STK32C: variants seen among roughly 807,000 people sequenced by gnomAD.
STK32C encodes the protein serine/threonine kinase 32C.
A neutral mutation model predicts 56.5 loss-of-function variants in STK32C; 31 were observed. That is an observed-to-expected ratio of 0.55 (90% confidence interval 0.41 to 0.74). STK32C has a LOEUF of 0.74. STK32C is among the 30% of genes least tolerant of loss of function. The pLI is 0.00. For synonymous variants in STK32C, 309 were observed against 289.4 expected, an observed-to-expected ratio of 1.07 and a Z score of -0.69; for missense variants, 544 against 676.9, an observed-to-expected ratio of 0.80 and a Z score of 2.18.
At chr10:132,275,959 G>T (rs1426873481) in intron 1 of STK32C, among the ~76,000 whole-genome samples, 3 of 152,098 alleles carry the variant, frequency 2.0e-5, no homozygotes, top group Non-Finnish European at 4.4e-5. Flanking sequence ...GCAAGTGGTG[G>T]CTGCCTTCCA....
intron 1 of STK32C, among the ~76,000 whole-genome samples, chr10:132,292,053 TC>T (rs1307357812): frequency 1.3e-5 from 2 of 151,968 alleles, no homozygotes; most frequent in Non-Finnish European, 2.9e-5. Flanking sequence ...GGCCCAAGGC[TC>T]CTACAGGGAC....
At chr10:132,241,373 G>A (rs570504077) in intron 2 of STK32C, among the ~76,000 whole-genome samples, 6 of 152,340 alleles carry the variant, frequency 3.9e-5, no homozygotes, top group African/African-American at 7.2e-5. Flanking sequence ...AGAAAATAAA[G>A]TCTGTTAGTC....
chr10:132,291,637 G>A (rs1007134724), intron 1 of STK32C, among the ~76,000 whole-genome samples: 13 of 152,146 alleles, frequency 8.5e-5, no homozygotes, highest in Non-Finnish European at 1.3e-4. Context: ...CATCCTTCAC[G>A]CATCCAGACT....
chr10:132,212,729 A>G (rs2062350500), intron 10 of STK32C, among the ~76,000 whole-genome samples: 1 of 152,294 alleles, frequency 6.6e-6, no homozygotes, highest in Non-Finnish European at 1.5e-5. Context: ...GAGACGAGCA[A>G]GGACTTCTGG....
Position 132,327,278 on chromosome 10 carries a change from G to T in STK32C, c.302-2905C>A, listed in dbSNP as rs1004748580. Among the ~76,000 whole-genome samples the T allele has an allele frequency of 5.3e-5, 8 of 152,268 alleles. No homozygotes were observed. The South Asian group carries it at 1.7e-3, about 32-fold the overall frequency. ...TCTCCTTTTGCCTGCTGCCCTCCAC[G>T]TAAGATGTGACTTGCTCCTCCTTAC... On this transcript the variant is annotated intron_variant, in intron 1 of 1. Transcript: ENST00000368619.
chr10:132,246,020 C>T (rs1179975664), intron 1 of STK32C, 65 bp from the exon 2 acceptor site: 3 of 1,482,194 alleles, frequency 2.0e-6, no homozygotes, highest in Admixed American at 1.7e-5. Context: ...GAGCAGCTCC[C>T]CCACCTCAAC....
chr10:132,212,241 G>A (rs77627251), intron 10 of STK32C, among the ~76,000 whole-genome samples: 17,525 of 152,214 alleles, frequency 0.12, 1,375 homozygotes, highest in Non-Finnish European at 0.16. Flanking sequence ...CAGTCCCGGC[G>A]CAGGGCAGAC....
intron 10 of STK32C, among the ~76,000 whole-genome samples, chr10:132,212,616 GA>G (rs2062344721): frequency 6.6e-6 from 1 of 152,166 alleles, no homozygotes; most frequent in African/African-American, 2.4e-5. Flanking sequence ...TCAAGAAAGA[GA>G]AAAGATAGCC....
chr10:132,304,033 A>G (rs546486376), intron 1 of STK32C, among the ~76,000 whole-genome samples: 1 of 152,338 alleles, frequency 6.6e-6, no homozygotes, highest in Non-Finnish European at 1.5e-5. Context: ...GAGCGGCCAC[A>G]CGTGTTAAGG....
chr10:132,292,274 C>A (rs1241174171), intron 1 of STK32C, among the ~76,000 whole-genome samples: 2 of 152,236 alleles, frequency 1.3e-5, no homozygotes, highest in African/African-American at 4.8e-5. Flanking sequence ...CAAGCACCCC[C>A]AGGACCATGC....
chr10:132,238,490 C>A (rs1010781873), intron 2 of STK32C, among the ~76,000 whole-genome samples: 2 of 152,140 alleles, frequency 1.3e-5, no homozygotes, highest in East Asian at 3.9e-4. Context: ...CAGGGAAAGG[C>A]GGGGAAAGCC....
At chr10:132,281,010 C>T (rs1020355106) in intron 1 of STK32C, among the ~76,000 whole-genome samples, 9 of 150,448 alleles carry the variant, frequency 6.0e-5, no homozygotes, top group African/African-American at 2.2e-4. Context: ...GATCACGCCC[C>T]TGCACTCCGT....
chr10:132,252,705 C>T (rs2063952381), intron 1 of STK32C, among the ~76,000 whole-genome samples: 1 of 152,238 alleles, frequency 6.6e-6, no homozygotes, highest in Non-Finnish European at 1.5e-5. Context: ...TGCAGCTTGG[C>T]CAAAGGGCCA....
intron 1 of STK32C, among the ~76,000 whole-genome samples, chr10:132,281,722 C>T (rs2065213254): frequency 2.6e-5 from 4 of 152,218 alleles, no homozygotes; most frequent in South Asian, 2.1e-4. Flanking sequence ...TGCAGGTCCC[C>T]GGGAGACGAA....
chr10:132,239,101 T>C (rs572443822), intron 2 of STK32C, among the ~76,000 whole-genome samples: 22 of 152,334 alleles, frequency 1.4e-4, no homozygotes, highest in African/African-American at 5.3e-4. Context: ...AGACAGGGTC[T>C]GCAGTGGCCA....
At chr10:132,300,474 C>T (rs183578958) in intron 1 of STK32C, among the ~76,000 whole-genome samples, 1 of 152,360 alleles carries the variant, frequency 6.6e-6, no homozygotes, top group Non-Finnish European at 1.5e-5. Context: ...CGTCTGCACT[C>T]CTGCCCAGCC....
At chr10:132,331,538 G>C (rs752084790) in exon 1 of STK32C, 2 of 1,612,962 alleles carry the variant, frequency 1.2e-6, no homozygotes, top group Non-Finnish European at 1.7e-6. Context: ...CCTGAGGCAA[G>C]ATTTGGGGAC....
intron 2 of STK32C, 98 bp downstream of exon 2, chr10:132,245,799 CAAG>C: frequency 8.1e-7 from 1 of 1,240,348 alleles, no homozygotes; most frequent in Non-Finnish European, 1.2e-6. Context: ...CTGCTTCTCC[CAAG>C]GAGGATGGGA....
At chr10:132,266,804 G>A (rs1006384184) in intron 1 of STK32C, among the ~76,000 whole-genome samples, 6 of 151,928 alleles carry the variant, frequency 3.9e-5, no homozygotes, top group Admixed American at 6.6e-5. Flanking sequence ...GGGCTCCACC[G>A]GTGGGGCGGG....
Sources: gnomAD v4.1 joint callset for allele counts (sites outside exome capture counted in the v4.1 genomes callset) on GRCh38, gnomAD v4.1.1 for gene constraint, MANE v1.5 for transcripts, NCBI Gene and HGNC (gene_info 2026-07-23, HGNC 2026-07-21) for gene names.